The following PALS2 variants were observed in gnomAD, a reference collection of about 807,000 sequenced individuals.
PALS2 encodes protein PALS2.
Under a neutral mutation model 61.6 loss-of-function variants are expected in PALS2, and 27 were observed. The observed-to-expected ratio is 0.44, with a 90% CI of 0.32 to 0.60. PALS2 has a LOEUF of 0.60. Among genes scored for constraint, PALS2 ranks in the 20% least tolerant of loss-of-function variants. The pLI is 0.05. For missense variants in PALS2, 554 were observed against 639.4 expected, an observed-to-expected ratio of 0.87 and a Z score of 1.44; for synonymous variants, 236 against 218.6, an observed-to-expected ratio of 1.08 and a Z score of -0.70.
chr7:24,670,201 GC>G (rs1189616035), intron 9 of PALS2, among the ~76,000 whole-genome samples: 2 of 152,246 alleles, frequency 1.3e-5, no homozygotes, highest in South Asian at 2.1e-4. Flanking sequence ...TTCTTGAACA[GC>G]CCTTTCCCCT....
rs1785104036 is a variant in PALS2, at chr7:24,633,563, A to G, written c.118-8153A>G. The stretch of plus-strand genomic sequence containing the variant: ...TAGAATTCGGGGTTTTTAATCCTGC[A>G]CAGTGTTCTATGAGTCTCGTGGATC... On this transcript the variant is annotated intron_variant, in intron 2 of 11. Transcript: ENST00000222644. Among the ~76,000 whole-genome samples, 2 of 148,698 alleles carry G rather than the reference A, an allele frequency of 1.3e-5. 1 individual carries two copies. The highest frequency in any genetic ancestry group is 4.2e-4 in the South Asian group (2 of 4,728).
At chr7:24,578,409 G>A (rs1213599032) in intron 1 of PALS2, among the ~76,000 whole-genome samples, 1 of 152,172 alleles carries the variant, frequency 6.6e-6, no homozygotes, top group African/African-American at 2.4e-5. Context: ...TAGTAGTATG[G>A]TAAACAGGCC....
In PALS2 at chr7:24,618,154, G is replaced by A. The variant is rs1466684207; in HGVS notation, c.-2-5512G>A. The stretch of plus-strand genomic sequence containing the variant: ...TCAGGACATGGGTGTGCAACTACCC[G>A]GCCACCATGGGGACATGTCAGCTGC... On this transcript the variant is annotated intron_variant, in intron 1 of 11. Transcript: ENST00000222644. This position sits in a 1 kb window ranked among gnomAD's most constrained non-coding sequence, Gnocchi z 5.1. 2.0e-5 allele frequency among the ~76,000 whole-genome samples: 3 copies of A among 152,124 alleles called. No individual in the cohort carries two copies. The East Asian group carries it at 5.8e-4, about 29-fold the overall frequency.
chr7:24,655,230 A>G lies in PALS2; in HGVS notation c.651+4518A>G, dbSNP rs1162552967. 3.9e-5 allele frequency among the ~76,000 whole-genome samples: 6 copies of G among 152,234 alleles called. 1 individual carries two copies. Among genetic ancestry groups the G allele is most frequent in the African/African-American group, 4.8e-5 (2 of 41,458 alleles). The stretch of plus-strand genomic sequence containing the variant: ...CAAGCTGCAGTAATTCCCTAGAGCA[A>G]TTCTTACGTATGTACAGCTGGAAAC... On this transcript the variant is annotated intron_variant, in intron 5 of 11. Coordinates refer to ENST00000222644, the MANE Select transcript of PALS2 (RefSeq NM_001303037.2).
chr7:24,668,183 T>A (rs1787126129), intron 8 of PALS2, among the ~76,000 whole-genome samples: 1 of 151,486 alleles, frequency 6.6e-6, no homozygotes, highest in Non-Finnish European at 1.5e-5. Flanking sequence ...ATTAGCTGGG[T>A]ATAATGGCTC....
intron 1 of PALS2, among the ~76,000 whole-genome samples, chr7:24,621,108 TAAGCAAAATTACTA>T (rs984115904): frequency 1.3e-5 from 2 of 152,184 alleles, no homozygotes; most frequent in African/African-American, 4.8e-5. Context: ...TTGTTGACCT[TAAGCAAAATTACTA>T]AGTAGCTTAG....
At chr7:24,600,472 CAT>C (rs1783680540) in intron 1 of PALS2, among the ~76,000 whole-genome samples, 1 of 152,040 alleles carries the variant, frequency 6.6e-6, no homozygotes, top group African/African-American at 2.4e-5. Context: ...TTAAGTATAA[CAT>C]ATAATATTCA....
intron 3 of PALS2, among the ~76,000 whole-genome samples, chr7:24,643,017 T>A (rs1042973237): frequency 1.3e-5 from 2 of 152,106 alleles, no homozygotes; most frequent in African/African-American, 4.8e-5. Flanking sequence ...AGATAGAAAT[T>A]TAAAGACTTT....
chr7:24,638,859 C>T (rs1489692420), intron 2 of PALS2, among the ~76,000 whole-genome samples: 1 of 152,176 alleles, frequency 6.6e-6, no homozygotes. Flanking sequence ...ATGGAGTTTT[C>T]AAGTCATTGA....
intron 1 of PALS2, among the ~76,000 whole-genome samples, chr7:24,603,955 T>C (rs1783803111): frequency 1.3e-5 from 2 of 152,016 alleles, no homozygotes; most frequent in South Asian, 2.1e-4. Flanking sequence ...TGAGTCATCA[T>C]CGGGAAAAAT....
intron 2 of PALS2, among the ~76,000 whole-genome samples, chr7:24,639,072 C>T (rs1785383528): frequency 6.6e-6 from 1 of 152,116 alleles, no homozygotes; most frequent in African/African-American, 2.4e-5. Flanking sequence ...AGGATAGATA[C>T]GGTGTAATGG....
chr7:24,686,333 C>G (rs1788202506), intron 11 of PALS2, among the ~76,000 whole-genome samples: 1 of 152,142 alleles, frequency 6.6e-6, no homozygotes, highest in Non-Finnish European at 1.5e-5. Flanking sequence ...CACATTTTCA[C>G]TCAAGGCCCA....
At chr7:24,602,665 G>C (rs1783762547) in intron 1 of PALS2, among the ~76,000 whole-genome samples, 1 of 152,088 alleles carries the variant, frequency 6.6e-6, no homozygotes, top group African/African-American at 2.4e-5. Flanking sequence ...TTGGTCGAGA[G>C]GTACCTCTTA....
chr7:24,656,462 T>C (rs1020013085), intron 5 of PALS2, among the ~76,000 whole-genome samples: 1 of 152,138 alleles, frequency 6.6e-6, no homozygotes, highest in African/African-American at 2.4e-5. Flanking sequence ...ATACATAATA[T>C]ACCCATGAAG....
At chr7:24,648,838 G>C (rs541108059) in intron 3 of PALS2, among the ~76,000 whole-genome samples, 2 of 151,076 alleles carry the variant, frequency 1.3e-5, no homozygotes, top group African/African-American at 4.9e-5. Context: ...CCAGGAAGTG[G>C]GGGTTGCAGT....
At chr7:24,592,293 T>G (rs1323299074) in intron 1 of PALS2, among the ~76,000 whole-genome samples, 1 of 152,128 alleles carries the variant, frequency 6.6e-6, no homozygotes, top group Non-Finnish European at 1.5e-5. Flanking sequence ...CAGGGAAGGC[T>G]TCATTTGAGA....
intron 5 of PALS2, among the ~76,000 whole-genome samples, chr7:24,659,483 G>A (rs889481034): frequency 6.6e-6 from 1 of 152,190 alleles, no homozygotes; most frequent in African/African-American, 2.4e-5. Flanking sequence ...CCTTTTCTCT[G>A]CAACTTTGCC....
intron 1 of PALS2, among the ~76,000 whole-genome samples, chr7:24,577,254 T>TCTTTTTTC (rs1345260820): frequency 6.6e-6 from 1 of 151,058 alleles, no homozygotes; most frequent in Non-Finnish European, 1.5e-5. Context: ...ATCCGAAAAT[T>TCTTTTTTC]CTTTTTTCCT....
rs1182490714 is a variant in PALS2, at chr7:24,693,334, A to G, written c.*5720A>G. 6.6e-6 allele frequency: 1 copy of G among 152,206 alleles called. No homozygotes were observed. The highest frequency in any genetic ancestry group is 1.5e-5 in the Non-Finnish European group (1 of 68,018). 9.4% of individuals were successfully genotyped at this position (152,206 alleles called of 1,614,324 possible). ...GGAACATACATAAATATGACAGGTCATATATGAAATTTGGCTCTCCTCCTA... is the reference window on the plus strand; with the variant it reads ...GGAACATACATAAATATGACAGGTCGTATATGAAATTTGGCTCTCCTCCTA... On this transcript the variant is annotated 3_prime_UTR_variant, in exon 12 of 12. Coordinates refer to ENST00000222644, the MANE Select transcript of PALS2 (RefSeq NM_001303037.2).
Sources: allele counts gnomAD v4.1 joint callset (sites outside exome capture counted in the v4.1 genomes callset), GRCh38; gene constraint gnomAD v4.1.1; non-coding constraint Gnocchi (gnomAD v3.1); transcripts MANE v1.5; gene names NCBI Gene and HGNC (gene_info 2026-07-23, HGNC 2026-07-21).